SCRN3: variants seen among roughly 807,000 people sequenced by gnomAD.
SCRN3 encodes the protein secernin-3.
Under a neutral mutation model 43.1 loss-of-function variants are expected in SCRN3, and 39 were observed. The observed-to-expected ratio is 0.91, with a 90% confidence interval of 0.70 to 1.18. SCRN3 has a LOEUF of 1.18. Ranked by LOEUF, SCRN3 falls within the 50% of genes most tolerant of loss-of-function variation. The pLI is 0.00. For missense variants in SCRN3, 484 were observed against 498.0 expected, an observed-to-expected ratio of 0.97 and a Z score of 0.27; for synonymous variants, 147 against 163.1, an observed-to-expected ratio of 0.90 and a Z score of 0.75.
chr2:174,410,360 G>A, intron 5 of SCRN3: 1 of 152,252 alleles, frequency 6.6e-6, no homozygotes, highest in Non-Finnish European at 1.5e-5. Flanking sequence ...CCACTGTCTG[G>A]CACTCCCTAG....
rs1686343379 is a variant in SCRN3, at chr2:174,422,944, A to G, written c.814A>G (p.Met272Val). 1.2e-6 allele frequency: 2 copies of G among 1,612,286 alleles called. No individual in the cohort carries two copies. Among genetic ancestry groups the G allele is most frequent in the Non-Finnish European group, 1.7e-6 (2 of 1,178,308 alleles). The change falls in exon 6 of 8, where the codon ATG becomes GTG. Residue 272 changes from methionine (M) to valine (V), a missense_variant. Coordinates refer to ENST00000272732, the MANE Select transcript of SCRN3 (RefSeq NM_024583.5). ...TCGAGATAAACCAAGTGGCATTAAT[A>G]TGGAGGGAGAATTCCTGACCACTGC... ...ILRDKPSGINMEGEFLTTASM... is the reference protein window; with the variant it reads ...ILRDKPSGINVEGEFLTTASM...
At chr2:174,426,858 A>T (rs891439487) in intron 7 of SCRN3, among the ~76,000 whole-genome samples, 6 of 151,832 alleles carry the variant, frequency 4.0e-5, no homozygotes, top group Admixed American at 3.3e-4. Context: ...TTTGAGACAG[A>T]GTCTCACTCT....
intron 5 of SCRN3, among the ~76,000 whole-genome samples, chr2:174,413,608 T>G (rs1686005184): frequency 8.6e-6 from 1 of 116,760 alleles, no homozygotes; most frequent in Admixed American, 9.7e-5. Flanking sequence ...TTTTTTTTTT[T>G]GAGACAGAGT....
intron 1 of SCRN3, chr2:174,396,850 C>G (rs2105551639): frequency 6.5e-6 from 1 of 153,376 alleles, no homozygotes; most frequent in East Asian, 1.9e-4. Flanking sequence ...TCTCTCCTAC[C>G]AAATAATAAC....
At chr2:174,417,734 T>C (rs1686165800) in intron 5 of SCRN3, among the ~76,000 whole-genome samples, 1 of 152,236 alleles carries the variant, frequency 6.6e-6, no homozygotes, top group Non-Finnish European at 1.5e-5. Flanking sequence ...AATAGATATC[T>C]TCATTTTACA....
chr2:174,422,924 A>G lies in SCRN3; in HGVS notation c.794A>G (p.Asp265Gly), dbSNP rs372009590. ...GAAACAATGATGGAAATTCTTCGAG[A>G]TAAACCAAGTGGCATTAATATGGAG... ...TFETMMEILR[D>G]KPSGINMEGE... The change falls in exon 6 of 8, where the codon GAT (aspartate) becomes GGT (glycine). Residue 265 changes from aspartate to glycine, a missense_variant. Physicochemically the swap from Asp to Gly is moderately conservative, Grantham distance 94. Transcript: ENST00000272732. 1.4e-5 allele frequency: 23 copies of G among 1,611,162 alleles called. No homozygotes were observed. The African/African-American group carries it at 2.8e-4, about 20-fold the overall frequency.
At chr2:174,425,080 C>CG (rs1686436478) in intron 7 of SCRN3, among the ~76,000 whole-genome samples, 1 of 152,030 alleles carries the variant, frequency 6.6e-6, no homozygotes, top group Admixed American at 6.6e-5. Flanking sequence ...GGTTTCTTAA[C>CG]GTAATGTTCT....
At chr2:174,430,045 T>C (rs1270814728), downstream of SCRN3, among the ~76,000 whole-genome samples, 1 of 152,210 alleles carries the variant, frequency 6.6e-6, no homozygotes, top group Non-Finnish European at 1.5e-5. Flanking sequence ...TTTTGAAAAT[T>C]ATGAATAAAC....
intron 1 of SCRN3, chr2:174,396,419 C>A: frequency 1.5e-6 from 1 of 657,566 alleles, no homozygotes; most frequent in Non-Finnish European, 1.9e-6. Context: ...CTTGATGGCC[C>A]TTGGGACTCC....
At chr2:174,397,513 C>T in intron 1 of SCRN3, 1 of 458,002 alleles carries the variant, frequency 2.2e-6, no homozygotes, top group African/African-American at 2.1e-5. Flanking sequence ...TTGTCTGAAT[C>T]AATGAGTCTG....
In SCRN3 at chr2:174,428,267, T is replaced by C. The variant is rs1278460986; in HGVS notation, c.*372T>C. ...ATAATTATGTAGTACCCTCAAATCA[T>C]TTTGTCAGTTACATCAAGAAAGCAG... is the stretch of plus-strand genomic sequence containing the variant. On this transcript the variant is annotated 3_prime_UTR_variant, in exon 8 of 8. Transcript: ENST00000272732. The C allele has an allele frequency of 3.9e-5, 6 of 153,644 alleles. No individual in the cohort carries two copies. The Admixed American group carries it at 3.9e-4, about 10-fold the overall frequency. 9.5% of individuals were successfully genotyped at this position (153,644 alleles called of 1,614,324 possible).
intron 5 of SCRN3, among the ~76,000 whole-genome samples, chr2:174,411,109 G>C (rs1391208687): frequency 6.6e-6 from 1 of 152,130 alleles, no homozygotes; most frequent in Non-Finnish European, 1.5e-5. Context: ...GCTGCCTGCT[G>C]CTCCAGGATG....
chr2:174,398,508 A>G (rs899338045), intron 2 of SCRN3, 66 bp downstream of exon 2: 14 of 1,377,278 alleles, frequency 1.0e-5, no homozygotes, highest in Non-Finnish European at 1.2e-5. Flanking sequence ...ATTTCTATAC[A>G]TAGCAATTTG....
chr2:174,404,353 T>G, intron 5 of SCRN3, 38 bp downstream of exon 5: 1 of 1,431,256 alleles, frequency 7.0e-7, no homozygotes, highest in South Asian at 1.2e-5. Flanking sequence ...GATGACAAAC[T>G]ACATTTTGTG....
At chr2:174,396,940 A>T (rs998765211) in intron 1 of SCRN3, 1 of 287,038 alleles carries the variant, frequency 3.5e-6, no homozygotes, top group African/African-American at 2.3e-5. Context: ...TTAAGTTCTC[A>T]TAACAGCCCA....
At chr2:174,419,021 C>T (rs1318665804) in intron 5 of SCRN3, among the ~76,000 whole-genome samples, 1 of 152,166 alleles carries the variant, frequency 6.6e-6, no homozygotes, top group Non-Finnish European at 1.5e-5. Context: ...TGGTAGCCTG[C>T]ATAATTAACT....
In SCRN3 at chr2:174,409,542, T is replaced by A. The variant is rs1002080947; in HGVS notation, c.754+5227T>A. 3.4e-5 allele frequency among the ~76,000 whole-genome samples: 5 copies of A among 145,354 alleles called. 1 individual carries two copies. The East Asian group carries it at 1.0e-3, about 29-fold the overall frequency. ...TGGAGGAGGAGAGACGCTCTGCGTTTTAGAGTTTCCAGTTTTTCTGTTCTG... is the reference window on the plus strand; with the variant it reads ...TGGAGGAGGAGAGACGCTCTGCGTTATAGAGTTTCCAGTTTTTCTGTTCTG... On this transcript the variant is annotated intron_variant, in intron 5 of 7. Coordinates refer to ENST00000272732, the MANE Select transcript of SCRN3 (RefSeq NM_024583.5).
chr2:174,422,480 A>G (rs1686325008), intron 5 of SCRN3, among the ~76,000 whole-genome samples: 1 of 151,988 alleles, frequency 6.6e-6, no homozygotes, highest in African/African-American at 2.4e-5. Flanking sequence ...AGGCTGAGGC[A>G]CGAGAATCAC....
Position 174,400,096 on chromosome 2 carries a change from C to G in SCRN3, c.334C>G (p.Leu112Val). ...CDEEALLGMD[L>V]VRLGLERADT... ...TGAAGAAGCACTATTAGGAATGGAC[C>G]TTGTCAGGTTATTTTTTGTTACATT... Residue 112 changes from leucine (L) to valine (V), a missense_variant, in exon 3 of 8, where the codon CTT (leucine) becomes GTT (valine). Leu to Val is a conservative substitution (Grantham distance 32). Transcript: ENST00000272732. The G allele has an allele frequency of 1.3e-6, 2 of 1,560,850 alleles. No individual in the cohort carries two copies. Among genetic ancestry groups the G allele is most frequent in the Non-Finnish European group, 1.7e-6 (2 of 1,159,938 alleles).
Sources: gnomAD v4.1 joint callset for allele counts (sites outside exome capture counted in the v4.1 genomes callset) on GRCh38, gnomAD v4.1.1 for gene constraint, MANE v1.5 for transcripts, NCBI Gene and HGNC (gene_info 2026-07-23, HGNC 2026-07-21) for gene names.